ADAMTS5: variants seen among roughly 807,000 people sequenced by gnomAD.
The protein encoded by ADAMTS5 is A disintegrin and metalloproteinase with thrombospondin motifs 5.
Under a neutral mutation model 81.4 loss-of-function variants are expected in ADAMTS5, and 54 were observed. That is an observed-to-expected ratio of 0.66 (90% CI 0.53 to 0.83). The LOEUF (loss-of-function observed/expected upper bound fraction) is 0.83. ADAMTS5 is among the 40% of genes least tolerant of loss of function. The pLI is 0.00. For synonymous variants in ADAMTS5, 532 were observed against 508.8 expected, an observed-to-expected ratio of 1.05 and a Z score of -0.61; for missense variants, 1,194 against 1,229.9, an observed-to-expected ratio of 0.97 and a Z score of 0.44.
chr21:26,944,092 G>A (rs1272883822), intron 2 of ADAMTS5, among the ~76,000 whole-genome samples: 1 of 152,148 alleles, frequency 6.6e-6, no homozygotes, highest in Non-Finnish European at 1.5e-5. Flanking sequence ...AGGACTAGGG[G>A]AGACAAAGAA....
At position 26,944,159 on chromosome 21, in the gene ADAMTS5, G is replaced by A. The variant is rs138253252; in HGVS notation, c.1238-612C>T. ...TTGCAAAACTAAGCTTGCTTCATCC[G>A]TTCATTTCTTTTGGTGATTTAGTGA... On this transcript the variant is annotated intron_variant, in intron 2 of 7. Coordinates refer to ENST00000284987, the MANE Select transcript of ADAMTS5 (RefSeq NM_007038.5). 3.9e-3 allele frequency among the ~76,000 whole-genome samples: 599 copies of A among 152,228 alleles called. 4 individuals are homozygous for A. The highest frequency in any genetic ancestry group is 0.014 in the African/African-American group (573 of 41,534).
At chr21:26,931,079 G>A (rs562987610) in intron 6 of ADAMTS5, among the ~76,000 whole-genome samples, 8 of 151,850 alleles carry the variant, frequency 5.3e-5, no homozygotes, top group Non-Finnish European at 1.0e-4. Context: ...ACAGAGTCTC[G>A]CTCTGTCACC....
chr21:26,927,014 A>G (rs1479530344), intron 7 of ADAMTS5, among the ~76,000 whole-genome samples: 1 of 152,108 alleles, frequency 6.6e-6, no homozygotes, highest in Non-Finnish European at 1.5e-5. Context: ...TGCCTTAGTA[A>G]GAGATGATTC....
intron 6 of ADAMTS5, among the ~76,000 whole-genome samples, chr21:26,930,540 TTG>T (rs1986887904): frequency 6.6e-6 from 1 of 152,196 alleles, no homozygotes; most frequent in Non-Finnish European, 1.5e-5. Flanking sequence ...GCATTCCCTA[TTG>T]TGTGTTGAAC....
At chr21:26,944,581 GTA>G (rs1270402987) in intron 2 of ADAMTS5, among the ~76,000 whole-genome samples, 5 of 152,110 alleles carry the variant, frequency 3.3e-5, no homozygotes, top group Non-Finnish European at 7.3e-5. Context: ...ACTCTAAAAA[GTA>G]GACAGCAAAT....
intron 7 of ADAMTS5, among the ~76,000 whole-genome samples, chr21:26,927,448 G>A (rs1471742983): frequency 1.3e-5 from 2 of 152,170 alleles, no homozygotes; most frequent in African/African-American, 4.8e-5. Context: ...ATTCTGGAAA[G>A]TGTACTGCTC....
Position 26,924,194 on chromosome 21 carries a change from C to T in ADAMTS5, c.2652G>A (p.Trp884Ter). The T allele has an allele frequency of 6.2e-7, 1 of 1,614,210 alleles. No homozygotes were observed. The highest frequency in any genetic ancestry group is 8.5e-7 in the Non-Finnish European group (1 of 1,180,030). ...TGTCACAGGTCCTAGAGCAGGCGAG[C>T]CATGGGCCCGTGACCCACTGCGGCT... is the stretch of plus-strand genomic sequence containing the variant. ...TSQPQWVTGP[W>*]LACSRTCDTG... Residue 884 changes from tryptophan (W) to a stop codon, truncating the protein, a stop_gained, in exon 8 of 8, where the codon TGG becomes TGA. Transcript: ENST00000284987. LOFTEE classifies it high-confidence loss of function.
At chr21:26,945,894 CTT>C (rs939453881) in intron 2 of ADAMTS5, among the ~76,000 whole-genome samples, 5 of 152,174 alleles carry the variant, frequency 3.3e-5, no homozygotes, top group Non-Finnish European at 5.9e-5. Flanking sequence ...GGGGATGTGA[CTT>C]TTGTAAGATC....
At chr21:26,928,556 A>G (rs1191769888) in intron 7 of ADAMTS5, among the ~76,000 whole-genome samples, 1 of 152,054 alleles carries the variant, frequency 6.6e-6, no homozygotes, top group East Asian at 1.9e-4. Flanking sequence ...TACTTTTTAA[A>G]AGTAGTTTTG....
At chr21:26,946,495 T>C (rs1478970579) in intron 2 of ADAMTS5, among the ~76,000 whole-genome samples, 2 of 152,108 alleles carry the variant, frequency 1.3e-5, no homozygotes, top group African/African-American at 2.4e-5. Context: ...TGAAGGGGAA[T>C]TGGAAAAGCT....
intron 2 of ADAMTS5, among the ~76,000 whole-genome samples, chr21:26,944,326 G>T (rs1482593516): frequency 6.6e-6 from 1 of 152,162 alleles, no homozygotes; most frequent in East Asian, 1.9e-4. Flanking sequence ...TGATAGTTGT[G>T]AGTGTTCAAA....
chr21:26,964,582 G>C (rs1404203368), intron 1 of ADAMTS5, among the ~76,000 whole-genome samples: 3 of 152,202 alleles, frequency 2.0e-5, no homozygotes, highest in Non-Finnish European at 4.4e-5. Flanking sequence ...TGCTTGCGAC[G>C]CACTGGTCGA....
intron 6 of ADAMTS5, 34 bp downstream of exon 6, chr21:26,931,970 G>A (rs191544744): frequency 2.2e-5 from 35 of 1,559,516 alleles, no homozygotes; most frequent in East Asian, 7.0e-5. Context: ...CCACCAGTAC[G>A]CCTACTGCTT....
intron 4 of ADAMTS5, 59 bp from the exon 5 acceptor site, chr21:26,933,103 CA>C (rs1986946696): frequency 6.6e-7 from 1 of 1,512,956 alleles, no homozygotes; most frequent in Non-Finnish European, 8.9e-7. Flanking sequence ...TGAAAGTGTG[CA>C]TTTGGAAATC....
chr21:26,965,460 A>T lies in ADAMTS5; in HGVS notation c.932T>A (p.Ile311Asn). ...CACCACCTTCACCACGGCCAGGCGG[A>T]TGTGGTTCTCGATGCTAGCATGGCT... ...LYSHASIENHIRLAVVKVVVL... is the reference protein window; with the variant it reads ...LYSHASIENHNRLAVVKVVVL... Residue 311 changes from isoleucine (I) to asparagine (N), a missense_variant, in exon 1 of 8, where the codon ATC becomes AAC. Physicochemically the swap from Ile to Asn is moderately radical, Grantham distance 149. Around this residue, in one of 2 missense-constraint regions of ADAMTS5, gnomAD observed 696 missense variants for 817.6 expected, o/e 0.85. Transcript: ENST00000284987. 1 of 1,614,148 alleles carries T rather than the reference A, an allele frequency of 6.2e-7. No homozygotes were observed. The highest frequency in any genetic ancestry group is 8.5e-7 in the Non-Finnish European group (1 of 1,180,006).
At chr21:26,960,890 C>A (rs1430229851) in intron 1 of ADAMTS5, among the ~76,000 whole-genome samples, 2 of 152,196 alleles carry the variant, frequency 1.3e-5, no homozygotes, top group African/African-American at 4.8e-5. Flanking sequence ...AACTCCCACT[C>A]TTTCTTCAAA....
At chr21:26,962,041 A>G (rs1275167588) in intron 1 of ADAMTS5, among the ~76,000 whole-genome samples, 1 of 152,192 alleles carries the variant, frequency 6.6e-6, no homozygotes, top group African/African-American at 2.4e-5. Context: ...ATGAAAGGGA[A>G]TTATCTTTTT....
At chr21:26,961,621 G>A (rs925586639) in intron 1 of ADAMTS5, among the ~76,000 whole-genome samples, 3 of 152,212 alleles carry the variant, frequency 2.0e-5, no homozygotes, top group Admixed American at 6.5e-5. Context: ...ATACTGCACA[G>A]ATTTTAGATT....
intron 1 of ADAMTS5, among the ~76,000 whole-genome samples, chr21:26,964,641 GATTGGGTCTC>G (rs1326308021): frequency 1.3e-5 from 2 of 152,302 alleles, no homozygotes; most frequent in Non-Finnish European, 2.9e-5. Context: ...CCTCTCATCT[GATTGGGTCTC>G]TGTACCCTGC....
Sources: gnomAD v4.1 joint callset for allele counts (sites outside exome capture counted in the v4.1 genomes callset) on GRCh38, gnomAD v4.1.1 for gene constraint, gnomAD v4.1.1 regional missense constraint, MANE v1.5 for transcripts, NCBI Gene and HGNC (gene_info 2026-07-23, HGNC 2026-07-21) for gene names.